Variants in NPFFR2 observed in about 807,000 individuals in gnomAD.
NPFFR2 encodes the protein neuropeptide FF receptor 2.
NPFFR2 carries 15 observed loss-of-function variants against 13.1 expected under a neutral mutation model. The ratio of observed to expected loss-of-function variants is 1.15; its 90% CI spans 0.77 to 1.76. The LOEUF is 1.76. Ranked by LOEUF, NPFFR2 falls within the 40% of genes most tolerant of loss-of-function variation. The pLI is 0.00. For synonymous variants in NPFFR2, 190 were observed against 175.7 expected (o/e 1.08, Z -0.65); for missense variants, 572 against 503.5 (o/e 1.14, Z -1.30).
intron 1 of NPFFR2, among the ~76,000 whole-genome samples, chr4:72,084,963 C>T (rs1720725172): frequency 1.3e-5 from 2 of 151,996 alleles, no homozygotes. Context: ...CATCCAAGTC[C>T]TTGTTTTAGA....
chr4:72,126,482 A>C (rs939572270), intron 1 of NPFFR2, among the ~76,000 whole-genome samples: 3 of 152,216 alleles, frequency 2.0e-5, no homozygotes, highest in African/African-American at 7.2e-5. Context: ...TGAGGCTGCT[A>C]CCCTTAGAAA....
rs565711819 is a variant in NPFFR2, at chr4:72,051,730, A to C, written c.-8+19530A>C. Among the ~76,000 whole-genome samples, 463 of 152,290 alleles carry C rather than the reference A, an allele frequency of 3.0e-3. 5 individuals carry two copies. The highest frequency in any genetic ancestry group is 0.011 in the African/African-American group (444 of 41,560). On this transcript the variant is annotated intron_variant, in intron 1 of 3. Coordinates refer to ENST00000308744, the MANE Select transcript of NPFFR2 (RefSeq NM_004885.3). The stretch of plus-strand genomic sequence containing the variant: ...ATCTGGTTCTTTGAAAGGATCAACA[A>C]AATTGATAGACTGCTAGCAAGACTA...
intron 1 of NPFFR2, among the ~76,000 whole-genome samples, chr4:72,126,229 T>G (rs1411559354): frequency 6.6e-6 from 1 of 152,252 alleles, no homozygotes; most frequent in South Asian, 2.1e-4. Flanking sequence ...AAAGTTACAA[T>G]TTTAACTTTG....
At chr4:72,121,264 C>A (rs1275385617) in intron 1 of NPFFR2, among the ~76,000 whole-genome samples, 5 of 152,048 alleles carry the variant, frequency 3.3e-5, no homozygotes. Flanking sequence ...AAAGACCAAA[C>A]CTTTGTTTGA....
intron 1 of NPFFR2, among the ~76,000 whole-genome samples, chr4:72,101,519 C>T (rs1339280146): frequency 6.6e-6 from 1 of 151,456 alleles, no homozygotes; most frequent in Admixed American, 6.6e-5. Flanking sequence ...ATAACATACT[C>T]AATGACTAAT....
chr4:72,112,710 C>T (rs1490571150), intron 1 of NPFFR2, among the ~76,000 whole-genome samples: 1 of 151,846 alleles, frequency 6.6e-6, no homozygotes, highest in Non-Finnish European at 1.5e-5. Context: ...ATATGTCTCA[C>T]AATGAGTCAT....
At chr4:72,068,853 T>C in intron 1 of NPFFR2, 1 of 294,396 alleles carries the variant, frequency 3.4e-6, no homozygotes, top group Non-Finnish European at 5.9e-6. Flanking sequence ...TTTTTTTTTT[T>C]ATCTTATCTT....
chr4:72,106,496 C>G (rs78392636), intron 1 of NPFFR2, among the ~76,000 whole-genome samples: 2,714 of 152,104 alleles, frequency 0.018, 88 homozygotes, highest in African/African-American at 0.062. Context: ...AAGAAATTCA[C>G]AGCAATAAGT....
intron 1 of NPFFR2, among the ~76,000 whole-genome samples, chr4:72,041,756 G>C (rs984237611): frequency 6.6e-6 from 1 of 152,132 alleles, no homozygotes; most frequent in African/African-American, 2.4e-5. Context: ...TAGTGGTGTT[G>C]AGCATTTTTC....
intron 1 of NPFFR2, among the ~76,000 whole-genome samples, chr4:72,105,355 A>G (rs1489121730): frequency 6.6e-6 from 1 of 152,074 alleles, no homozygotes; most frequent in East Asian, 1.9e-4. Context: ...TGAACGTTTT[A>G]AAACCCAAAA....
At chr4:72,062,781 A>T (rs1259954497) in intron 1 of NPFFR2, among the ~76,000 whole-genome samples, 2 of 152,156 alleles carry the variant, frequency 1.3e-5, no homozygotes, top group Non-Finnish European at 2.9e-5. Context: ...GTGGAACCAT[A>T]TGGAGCAGAG....
intron 1 of NPFFR2, among the ~76,000 whole-genome samples, chr4:72,083,997 T>G (rs1444764616): frequency 1.3e-5 from 2 of 152,072 alleles, no homozygotes; most frequent in Non-Finnish European, 2.9e-5. Flanking sequence ...CCACCAAAGA[T>G]CACCCATCCA....
rs576045575 is a variant in NPFFR2, at chr4:72,121,430, A to G, written c.-7-7155A>G. 4.6e-5 allele frequency among the ~76,000 whole-genome samples: 7 copies of G among 152,312 alleles called. No homozygotes were observed. In the South Asian group the frequency reaches 1.5e-3, roughly 32 times the overall value. On this transcript the variant is annotated intron_variant, in intron 1 of 3. Coordinates refer to ENST00000308744, the MANE Select transcript of NPFFR2 (RefSeq NM_004885.3). ...ACAAAGATACTCCCTGAGAAGAGAA[A>G]CACCAAGAAACATAATCATCAGATT...
intron 1 of NPFFR2, among the ~76,000 whole-genome samples, chr4:72,045,768 G>T (rs945529686): frequency 6.6e-6 from 1 of 152,006 alleles, no homozygotes; most frequent in African/African-American, 2.4e-5. Flanking sequence ...TAATGGTTGT[G>T]TGGGTACTCA....
chr4:72,111,994 C>G (rs1413559487), intron 1 of NPFFR2, among the ~76,000 whole-genome samples: 1 of 151,974 alleles, frequency 6.6e-6, no homozygotes, highest in African/African-American at 2.4e-5. Flanking sequence ...CCTACCAGTT[C>G]CTGGCTTTTT....
At chr4:72,079,227 G>A (rs1158154027) in intron 1 of NPFFR2, among the ~76,000 whole-genome samples, 2 of 151,906 alleles carry the variant, frequency 1.3e-5, no homozygotes, top group Non-Finnish European at 2.9e-5. Context: ...TTACAACTAT[G>A]TGTGAGTCTA....
intron 1 of NPFFR2, among the ~76,000 whole-genome samples, chr4:72,111,013 A>G (rs553306235): frequency 6.6e-6 from 1 of 152,104 alleles, no homozygotes; most frequent in South Asian, 2.1e-4. Context: ...TCATTTGCAG[A>G]TTCTGTAAGC....
chr4:72,085,360 C>A (rs1031891947), intron 1 of NPFFR2, among the ~76,000 whole-genome samples: 1 of 152,102 alleles, frequency 6.6e-6, no homozygotes, highest in African/African-American at 2.4e-5. Context: ...TCTTTTGAGA[C>A]AAAGGGCTCG....
At chr4:72,038,723 CACA>C (rs1438870240) in intron 1 of NPFFR2, among the ~76,000 whole-genome samples, 3 of 151,936 alleles carry the variant, frequency 2.0e-5, no homozygotes, top group Non-Finnish European at 4.4e-5. Context: ...TAAAAAGTAG[CACA>C]ACGTTTACTT....
Sources: gnomAD v4.1 joint callset for allele counts (sites outside exome capture counted in the v4.1 genomes callset) on GRCh38, gnomAD v4.1.1 for gene constraint, MANE v1.5 for transcripts, NCBI Gene and HGNC (gene_info 2026-07-23, HGNC 2026-07-21) for gene names.